TST: variants seen among roughly 807,000 people sequenced by gnomAD.
TST encodes the protein thiosulfate sulfurtransferase, also known as epididymis secretory sperm binding protein.
Under a neutral mutation model 20.4 loss-of-function variants are expected in TST, and 22 were observed. The observed-to-expected ratio is 1.08, with a 90% confidence interval of 0.77 to 1.54. TST has a LOEUF of 1.54. Among genes scored for constraint, TST ranks in the 40% most tolerant of loss-of-function variants. The pLI is 0.00. For synonymous variants in TST, 187 were observed against 173.8 expected (o/e 1.08, Z -0.60); for missense variants, 392 against 405.2 (o/e 0.97, Z 0.28).
At chr22:37,015,935 CTTTTTTTTTTTTT>C in intron 2 of TST, among the ~76,000 whole-genome samples, 1 of 73,886 alleles carries the variant, frequency 1.4e-5, no homozygotes, top group East Asian at 5.0e-4. Context: ...GCCACTGCTA[CTTTTTTTTTTTTT>C]TTTTTTTTTT....
rs1922799642 is a variant in TST at position 37,018,511 on chromosome 22, C to T, written c.222G>A (p.Met74Ile). The part of the protein sequence containing the change: ...CRDTASPYEM[M>I]LPSEAGFAEY... Reference sequence around the variant, plus strand: ...CGGCGAAGCCAGCCTCGCTGGGCAGCATCATCTCGTAGGGCGACGCCGTGT... The same window carrying T: ...CGGCGAAGCCAGCCTCGCTGGGCAGTATCATCTCGTAGGGCGACGCCGTGT... The change falls in exon 2 of 3, where the codon ATG (methionine) becomes ATA (isoleucine). Residue 74 changes from methionine to isoleucine, a missense_variant. Physicochemically the swap from Met to Ile is conservative, Grantham distance 10. Coordinates refer to ENST00000249042, the MANE Select transcript of TST (RefSeq NM_003312.6). The T allele has an allele frequency of 6.2e-7, 1 of 1,602,748 alleles. No individual in the cohort carries two copies. Among genetic ancestry groups the T allele is most frequent in the Non-Finnish European group, 8.5e-7 (1 of 1,174,268 alleles).
chr22:37,017,673 GGA>G (rs1922730854), intron 2 of TST, among the ~76,000 whole-genome samples: 1 of 152,236 alleles, frequency 6.6e-6, no homozygotes, highest in Non-Finnish European at 1.5e-5. Flanking sequence ...CTAGATTTGG[GGA>G]GAGGGGGATC....
chr22:37,019,817 G>T (rs564150771), upstream of TST: 160 of 1,177,912 alleles, frequency 1.4e-4, no homozygotes, highest in East Asian at 4.8e-3. Flanking sequence ...GCGGGGAGGG[G>T]GCGCCGCGCC....
In TST at chr22:37,018,502, GC is replaced by G; in HGVS notation, c.230del (p.Ser77ThrfsTer59). 1 of 1,605,774 alleles carries G rather than the reference GC, an allele frequency of 6.2e-7. No individual in the cohort carries two copies. Among genetic ancestry groups the G allele is most frequent in the Non-Finnish European group, 8.5e-7 (1 of 1,175,800 alleles). On this transcript the variant is annotated frameshift_variant, in exon 2 of 3. Transcript: ENST00000249042. LOFTEE classifies it high-confidence loss of function. ...CCACATACTCGGCGAAGCCAGCCTCGCTGGGCAGCATCATCTCGTAGGGCGA... is the reference window on the plus strand; with the variant it reads ...CCACATACTCGGCGAAGCCAGCCTCGTGGGCAGCATCATCTCGTAGGGCGA... ...TASPYEMMLPSEAGFAEYVGR... is the reference protein window; with the variant it reads ...TASPYEMMLPXEAGFAEYVGR...
intron 1 of TST, 83 bp from the exon 2 acceptor site, chr22:37,018,836 C>G (rs1423620348): frequency 2.8e-5 from 26 of 941,490 alleles, no homozygotes; most frequent in Non-Finnish European, 2.1e-5. Flanking sequence ...CTGGGAGAAG[C>G]TCTTTCTCCC....
chr22:37,014,492 C>G (rs963784291), intron 2 of TST, among the ~76,000 whole-genome samples: 4 of 152,240 alleles, frequency 2.6e-5, no homozygotes, highest in African/African-American at 9.6e-5. Flanking sequence ...CTCCCTGCCC[C>G]CAGCAGGCAT....
chr22:37,018,473 C>A lies in TST; in HGVS notation c.260G>T (p.Arg87Leu), dbSNP rs576484913. ...SEAGFAEYVGRLGISNHTHVV... is the reference protein window; with the variant it reads ...SEAGFAEYVGLLGISNHTHVV... ...GTGCGTGTGGTTGCTGATGCCCAGG[C>A]GGCCCACATACTCGGCGAAGCCAGC... The change falls in exon 2 of 3, where the codon CGC (arginine) becomes CTC (leucine). Residue 87 changes from arginine to leucine, a missense_variant. Coordinates refer to ENST00000249042, the MANE Select transcript of TST (RefSeq NM_003312.6). 1 of 1,611,654 alleles carries A rather than the reference C, an allele frequency of 6.2e-7. No homozygotes were observed. Among genetic ancestry groups the A allele is most frequent in the African/African-American group, 1.3e-5 (1 of 74,996 alleles).
intron 2 of TST, among the ~76,000 whole-genome samples, chr22:37,014,356 C>T (rs1172284706): frequency 5.3e-5 from 8 of 152,106 alleles, no homozygotes; most frequent in Admixed American, 3.3e-4. Flanking sequence ...GGTGACAGAG[C>T]GAGACTCCGT....
At chr22:37,013,651 T>A (rs1374976524) in intron 2 of TST, among the ~76,000 whole-genome samples, 1 of 152,142 alleles carries the variant, frequency 6.6e-6, no homozygotes, top group Non-Finnish European at 1.5e-5. Flanking sequence ...ACGTATAAAA[T>A]TAGAGCAATT....
intron 2 of TST, among the ~76,000 whole-genome samples, chr22:37,015,437 G>A (rs1033512142): frequency 2.7e-4 from 41 of 152,180 alleles, no homozygotes; most frequent in South Asian, 2.1e-4. Context: ...GGTGAGCAGC[G>A]CTCCTTTCAC....
At chr22:37,013,764 C>T (rs575071723) in intron 2 of TST, among the ~76,000 whole-genome samples, 1 of 152,234 alleles carries the variant, frequency 6.6e-6, no homozygotes, top group Non-Finnish European at 1.5e-5. Context: ...CGAGGGCATT[C>T]TTTCCCAAGA....
In TST at chr22:37,011,010, G is replaced by A; in HGVS notation, c.*17C>T. 1.3e-6 allele frequency: 2 copies of A among 1,598,794 alleles called. No individual in the cohort carries two copies. The highest frequency in any genetic ancestry group is 1.7e-6 in the Non-Finnish European group (2 of 1,170,982). On this transcript the variant is annotated 3_prime_UTR_variant, in exon 3 of 3. Coordinates refer to ENST00000249042, the MANE Select transcript of TST (RefSeq NM_003312.6). The stretch of plus-strand genomic sequence containing the variant: ...ACTAAACCGGCCGCAGTTACAGTAA[G>A]CAGAAGAGGTCACGGCTCAGGCCTT...
At chr22:37,017,333 G>T (rs766761163) in intron 2 of TST, among the ~76,000 whole-genome samples, 1 of 152,132 alleles carries the variant, frequency 6.6e-6, no homozygotes, top group African/African-American at 2.4e-5. Flanking sequence ...CTTCTGAGTC[G>T]CCTTCCTGGG....
intron 2 of TST, among the ~76,000 whole-genome samples, chr22:37,012,409 A>C (rs1922511524): frequency 6.6e-6 from 1 of 152,254 alleles, no homozygotes; most frequent in South Asian, 2.1e-4. Context: ...TGCCACCCAC[A>C]GGGTGAGGCC....
At chr22:37,016,350 G>A (rs1922681840) in intron 2 of TST, among the ~76,000 whole-genome samples, 2 of 152,082 alleles carry the variant, frequency 1.3e-5, no homozygotes, top group Admixed American at 6.6e-5. Context: ...CTGGACTGAG[G>A]TCACTCCAAG....
At chr22:37,014,269 C>G (rs1010331245) in intron 2 of TST, among the ~76,000 whole-genome samples, 2 of 152,176 alleles carry the variant, frequency 1.3e-5, no homozygotes, top group African/African-American at 4.8e-5. Flanking sequence ...ACTCGGGAGG[C>G]TGAGGCAGCA....
chr22:37,017,750 C>G (rs192240947), intron 2 of TST, among the ~76,000 whole-genome samples: 3 of 152,278 alleles, frequency 2.0e-5, no homozygotes, highest in African/African-American at 7.2e-5. Context: ...CCTGGAGAAG[C>G]TGGATGTGTC....
Position 37,018,445 on chromosome 22 carries a change from C to T in TST, c.288G>A (p.Val96=), listed in dbSNP as rs1339538362. The change falls in exon 2 of 3, where the codon GTG becomes GTA. Residue 96 remains valine (V), a synonymous_variant. Transcript: ENST00000249042. The part of the protein sequence containing the change: ...GRLGISNHTH[V]VVYDGEHLGS... Reference sequence around the variant, plus strand: ...CCAGGTGTTCACCATCATACACCACCACGTGCGTGTGGTTGCTGATGCCCA... The same window carrying T: ...CCAGGTGTTCACCATCATACACCACTACGTGCGTGTGGTTGCTGATGCCCA... The T allele has an allele frequency of 5.6e-6, 9 of 1,613,168 alleles. No homozygotes were observed. The highest frequency in any genetic ancestry group is 1.1e-5 in the South Asian group (1 of 91,042).
intron 2 of TST, 119 bp from the exon 3 acceptor site, chr22:37,011,444 C>A (rs1922478356): frequency 8.0e-6 from 9 of 1,121,934 alleles, no homozygotes; most frequent in East Asian, 2.5e-5. Context: ...AAAATAACAT[C>A]TTTGCTCTGC....
Sources: gnomAD v4.1 joint callset for allele counts (sites outside exome capture counted in the v4.1 genomes callset) on GRCh38, gnomAD v4.1.1 for gene constraint, MANE v1.5 for transcripts, NCBI Gene and HGNC (gene_info 2026-07-23, HGNC 2026-07-21) for gene names.